The following VWA3A variants were observed in gnomAD, a reference collection of about 807,000 sequenced individuals.
VWA3A encodes von Willebrand factor A domain containing 3A.
In VWA3A, 134 loss-of-function variants were observed where a neutral mutation model predicts 160.4. That is an observed-to-expected ratio of 0.84 (90% CI 0.73 to 0.96). VWA3A has a LOEUF of 0.96. VWA3A is among the 40% of genes least tolerant of loss of function. The probability of loss-of-function intolerance (pLI) is 0.00; values close to 1 mark genes in which losing one functional copy is unlikely to be tolerated. For missense variants in VWA3A, 1,310 were observed against 1,447.9 expected (o/e 0.90, Z 1.55); for synonymous variants, 476 against 543.4 (o/e 0.88, Z 1.72).
chr16:22,130,744 C>A (rs1656335335), intron 17 of VWA3A, among the ~76,000 whole-genome samples: 1 of 152,090 alleles, frequency 6.6e-6, no homozygotes, highest in Non-Finnish European at 1.5e-5. Context: ...GCTAGGTTGA[C>A]AGACATGTGC....
chr16:22,109,405 G>T, intron 6 of VWA3A, 77 bp from the exon 7 acceptor site: 1 of 1,230,402 alleles, frequency 8.1e-7, no homozygotes. Context: ...TTGCATCACT[G>T]CGTGGCACAG....
At chr16:22,104,715 C>G (rs2045456996) in intron 6 of VWA3A, among the ~76,000 whole-genome samples, 1 of 152,018 alleles carries the variant, frequency 6.6e-6, no homozygotes, top group African/African-American at 2.4e-5. Flanking sequence ...AAATGTTTTT[C>G]TCAGAACCCA....
intron 8 of VWA3A, among the ~76,000 whole-genome samples, chr16:22,112,433 C>G (rs373893196): frequency 6.6e-6 from 1 of 152,184 alleles, no homozygotes; most frequent in Admixed American, 6.5e-5. Flanking sequence ...AAGGCACATG[C>G]TTTGGCCAGG....
rs768031979 is a variant in VWA3A at position 22,144,326 on chromosome 16, C to G, written c.2672C>G (p.Ser891Ter). Residue 891 changes from serine (S) to a stop codon, truncating the protein, a stop_gained, in exon 26 of 34, where the codon TCA (serine) becomes TGA (stop). Coordinates refer to ENST00000389398, the MANE Select transcript of VWA3A (RefSeq NM_173615.5). LOFTEE classifies it high-confidence loss of function. Reference protein sequence around the residue: ...CMGPNCTHQKSGQRSASAKHC... With the variant: ...CMGPNCTHQK ...GGTCCCAACTGCACTCATCAAAAGT[C>G]AGGACAGAGGTCAGCATCCGCCAAA... 1 of 1,613,962 alleles carries G rather than the reference C, an allele frequency of 6.2e-7. No homozygotes were observed.
intron 1 of VWA3A, among the ~76,000 whole-genome samples, chr16:22,094,000 C>A (rs902756617): frequency 9.2e-5 from 14 of 151,728 alleles, no homozygotes; most frequent in Non-Finnish European, 5.9e-5. Flanking sequence ...CTCTCAAACT[C>A]CTGGCTCAAG....
At chr16:22,092,698 C>T (rs1475634373) in intron 1 of VWA3A, 47 bp downstream of exon 1, 7 of 1,548,572 alleles carry the variant, frequency 4.5e-6, no homozygotes, top group African/African-American at 1.4e-5. Flanking sequence ...GAGAGGGTGT[C>T]GGGGAGGCCA....
chr16:22,100,213 C>G lies in VWA3A; in HGVS notation c.245C>G (p.Thr82Ser). Residue 82 changes from threonine to serine, a missense_variant, in exon 4 of 34, where the codon ACC (threonine) becomes AGC (serine). By Grantham distance (58) the Thr-to-Ser change is moderately conservative (BLOSUM62 1). Transcript: ENST00000389398. ...TTGCAGAGGCTGCAGGGGAGTGAGA[C>G]CCAGTCTTCAGATTGGGAGGACTCT... ...QDLLRLQGSE[T>S]QSSDWEDSED... The G allele has an allele frequency of 6.5e-7, 1 of 1,549,060 alleles. No homozygotes were observed. The highest frequency in any genetic ancestry group is 8.7e-7 in the Non-Finnish European group (1 of 1,146,408).
At chr16:22,138,334 C>T in intron 21 of VWA3A, 26 bp from the exon 22 acceptor site, 1 of 1,563,750 alleles carries the variant, frequency 6.4e-7, no homozygotes, top group African/African-American at 1.4e-5. Flanking sequence ...CTGGGGGTGC[C>T]ACTGACCCTC....
At chr16:22,132,669 G>C (rs1169054488) in intron 19 of VWA3A, 4 of 558,298 alleles carry the variant, frequency 7.2e-6, no homozygotes, top group African/African-American at 1.9e-5. Context: ...GATGCTACTG[G>C]TCTAGAACAT....
chr16:22,105,515 A>G (rs2045470850), intron 6 of VWA3A, among the ~76,000 whole-genome samples: 1 of 152,258 alleles, frequency 6.6e-6, no homozygotes, highest in Non-Finnish European at 1.5e-5. Flanking sequence ...AACTAGTGGC[A>G]TGCAGGCCAA....
At chr16:22,101,402 C>T (rs578092220) in intron 5 of VWA3A, among the ~76,000 whole-genome samples, 2 of 152,304 alleles carry the variant, frequency 1.3e-5, no homozygotes, top group East Asian at 3.9e-4. Context: ...TGCATCCCCA[C>T]TCCTAAACCA....
intron 2 of VWA3A, among the ~76,000 whole-genome samples, 151 bp downstream of exon 2, chr16:22,097,096 G>C (rs2045338186): frequency 4.0e-5 from 6 of 151,690 alleles, no homozygotes; most frequent in Admixed American, 3.9e-4. Flanking sequence ...CTCCCGAGTA[G>C]CTGGGACTAC....
chr16:22,115,745 G>A (rs2045619983), intron 9 of VWA3A, among the ~76,000 whole-genome samples: 1 of 150,890 alleles, frequency 6.6e-6, no homozygotes, highest in Admixed American at 6.7e-5. Flanking sequence ...GCTGAGGCAG[G>A]AGGATTGATT....
In VWA3A at chr16:22,152,652, T is replaced by C; in HGVS notation, c.3405+18T>C. ...ATGAAAAGGTAGGTTGCAGAGCCAC[T>C]GAGCATGAGGTCTGTTGAAACGGCT... On this transcript the variant is annotated intron_variant, in intron 31 of 33. Coordinates refer to ENST00000389398, the MANE Select transcript of VWA3A (RefSeq NM_173615.5). 1.3e-6 allele frequency: 2 copies of C among 1,593,342 alleles called. No homozygotes were observed. The highest frequency in any genetic ancestry group is 2.3e-5 in the East Asian group (1 of 44,238).
intron 5 of VWA3A, 104 bp from the exon 6 acceptor site, chr16:22,103,371 A>G (rs2045436046): frequency 3.3e-6 from 2 of 609,566 alleles, no homozygotes; most frequent in East Asian, 9.4e-5. Flanking sequence ...TATGCACATT[A>G]AAAAAAAAAA....
chr16:22,125,236 A>G (rs2045824858), intron 16 of VWA3A, among the ~76,000 whole-genome samples: 1 of 151,374 alleles, frequency 6.6e-6, no homozygotes, highest in African/African-American at 2.4e-5. Flanking sequence ...AAAAATTTAA[A>G]TTAGCCAGGC....
chr16:22,147,507 C>T, intron 27 of VWA3A: 2 of 698,956 alleles, frequency 2.9e-6, no homozygotes, highest in South Asian at 3.0e-5. Flanking sequence ...GGAAGGGAGT[C>T]CTATATAGAG....
In VWA3A at chr16:22,149,685, C is replaced by T. The variant is rs189424525; in HGVS notation, c.2985-102C>T. ...TCTTCAGTGACGAGCAAGAATAGTC[C>T]TCATGAGGGTAACTTATCTGAATTC... On this transcript the variant is annotated intron_variant, in intron 28 of 33. Transcript: ENST00000389398. 87 of 1,381,208 alleles carry T rather than the reference C, an allele frequency of 6.3e-5. No individual in the cohort carries two copies. In the East Asian group the frequency reaches 2.1e-3, roughly 34 times the overall value. 85.6% of individuals were successfully genotyped at this position (1,381,208 alleles called of 1,614,324 possible). A position where few individuals can be genotyped will look rare whatever the true frequency, so the allele number is the denominator to read the frequency against.
intron 14 of VWA3A, 59 bp from the exon 15 acceptor site, chr16:22,123,026 A>C: frequency 6.8e-7 from 1 of 1,474,296 alleles, no homozygotes; most frequent in Non-Finnish European, 9.3e-7. Flanking sequence ...CCAGTGCCCA[A>C]ATTAAACTAC....
Sources: gnomAD v4.1 joint callset for allele counts (sites outside exome capture counted in the v4.1 genomes callset) on GRCh38, gnomAD v4.1.1 for gene constraint, MANE v1.5 for transcripts, NCBI Gene and HGNC (gene_info 2026-07-23, HGNC 2026-07-21) for gene names.